Variants in MAGI1 observed in about 807,000 individuals in gnomAD.
MAGI1 encodes membrane-associated guanylate kinase, WW and PDZ domain-containing protein 1.
MAGI1 carries 58 observed loss-of-function variants against 139.9 expected under a neutral mutation model. That is an observed-to-expected ratio of 0.41 (90% CI 0.34 to 0.52). MAGI1 has a LOEUF of 0.52. Among genes scored for constraint, MAGI1 ranks in the 20% least tolerant of loss-of-function variants. The pLI is 0.12. For missense variants in MAGI1, 1,874 were observed against 1,901.6 expected, an observed-to-expected ratio of 0.99 and a Z score of 0.27; for synonymous variants, 812 against 737.9, an observed-to-expected ratio of 1.10 and a Z score of -1.63.
At chr3:65,446,370 C>G (rs1016447333) in intron 7 of MAGI1, among the ~76,000 whole-genome samples, 1 of 152,172 alleles carries the variant, frequency 6.6e-6, no homozygotes, top group Non-Finnish European at 1.5e-5. Context: ...AGCCAGTAAG[C>G]AGGGGAGCCA....
chr3:65,552,645 T>C (rs977391394), intron 2 of MAGI1, among the ~76,000 whole-genome samples: 7 of 152,184 alleles, frequency 4.6e-5, no homozygotes, highest in African/African-American at 1.4e-4. Flanking sequence ...TCCACTCATA[T>C]AGATGAAAAT....
chr3:65,502,930 C>T (rs554675206), intron 2 of MAGI1, among the ~76,000 whole-genome samples: 1 of 152,020 alleles, frequency 6.6e-6, no homozygotes, highest in African/African-American at 2.4e-5. Context: ...GGTTAGAAAA[C>T]GAACAGTGGA....
At chr3:65,993,753 T>C (rs1466353375) in intron 1 of MAGI1, among the ~76,000 whole-genome samples, 1 of 152,156 alleles carries the variant, frequency 6.6e-6, no homozygotes, top group Non-Finnish European at 1.5e-5. Flanking sequence ...AGCTAATAAA[T>C]CACTCACACA....
chr3:65,692,311 T>C (rs556171665), intron 1 of MAGI1, among the ~76,000 whole-genome samples: 37 of 152,292 alleles, frequency 2.4e-4, no homozygotes, highest in Admixed American at 5.2e-4. Context: ...TCAGCACACA[T>C]GAATTCATTT....
intron 1 of MAGI1, among the ~76,000 whole-genome samples, chr3:65,859,500 G>C (rs1001822407): frequency 6.6e-6 from 1 of 152,100 alleles, no homozygotes; most frequent in African/African-American, 2.4e-5. Flanking sequence ...AAGCTGAGGT[G>C]GGTGGATCAC....
intron 1 of MAGI1, among the ~76,000 whole-genome samples, chr3:65,904,488 G>A (rs985326289): frequency 3.9e-5 from 6 of 152,028 alleles, no homozygotes; most frequent in East Asian, 1.9e-4. Flanking sequence ...AGGGCCCTGC[G>A]GCCCGGCCTC....
chr3:65,625,075 GT>G (rs1249360436), intron 1 of MAGI1, among the ~76,000 whole-genome samples: 6 of 152,088 alleles, frequency 3.9e-5, no homozygotes, highest in African/African-American at 1.4e-4. Flanking sequence ...GTTTTACCAT[GT>G]TGGCCAGGCT....
chr3:65,540,295 T>A (rs1307858511), intron 2 of MAGI1, among the ~76,000 whole-genome samples: 1 of 152,170 alleles, frequency 6.6e-6, no homozygotes, highest in Non-Finnish European at 1.5e-5. Flanking sequence ...ACCCCTTTAT[T>A]CTCTATCCCC....
At chr3:65,472,012 T>C (rs1430613824) in intron 4 of MAGI1, among the ~76,000 whole-genome samples, 1 of 152,136 alleles carries the variant, frequency 6.6e-6, no homozygotes, top group Admixed American at 6.5e-5. Context: ...GATTTCATAC[T>C]TGAAATCAAG....
intron 14 of MAGI1, among the ~76,000 whole-genome samples, chr3:65,385,154 A>C (rs1240588294): frequency 6.6e-6 from 1 of 152,220 alleles, no homozygotes; most frequent in Non-Finnish European, 1.5e-5. Context: ...CCAGGGCTTT[A>C]AAATGAATAT....
intron 10 of MAGI1, among the ~76,000 whole-genome samples, chr3:65,436,255 C>A (rs1253380251): frequency 6.6e-6 from 1 of 151,948 alleles, no homozygotes; most frequent in Admixed American, 6.6e-5. Context: ...ACAATTAAAT[C>A]TTTTAAAATA....
At chr3:65,578,608 T>C (rs771275661) in intron 2 of MAGI1, among the ~76,000 whole-genome samples, 15 of 152,072 alleles carry the variant, frequency 9.9e-5, no homozygotes, top group Non-Finnish European at 2.2e-4. Context: ...TCTTCATGGG[T>C]CCAAGTCTCT....
chr3:65,794,483 T>C lies in MAGI1; in HGVS notation c.314-172395A>G, dbSNP rs562554725. ...CCACCCATAACGCAGCCTCAATCTC[T>C]GAGCTCACCTGCATCCACTCATTCT... On this transcript the variant is annotated intron_variant, in intron 1 of 22. Coordinates refer to ENST00000402939, the MANE Select transcript of MAGI1 (RefSeq NM_001033057.2). Among the ~76,000 whole-genome samples, 7 of 152,234 alleles carry C rather than the reference T, an allele frequency of 4.6e-5. No individual in the cohort carries two copies. The East Asian group carries it at 1.2e-3, about 25-fold the overall frequency.
intron 1 of MAGI1, among the ~76,000 whole-genome samples, chr3:65,997,834 C>T (rs986495287): frequency 1.3e-5 from 2 of 152,106 alleles, no homozygotes; most frequent in South Asian, 2.1e-4. Context: ...AAGGACTGTT[C>T]GCCAACTCTA....
intron 22 of MAGI1, chr3:65,359,297 T>C (rs1379988262): frequency 8.2e-6 from 12 of 1,463,710 alleles, no homozygotes; most frequent in Non-Finnish European, 1.1e-5. Context: ...GAGAGTTTAT[T>C]TGTCCAGTCA....
chr3:65,365,146 C>G (rs765329078), intron 18 of MAGI1, 200 bp from the exon 19 acceptor site: 4 of 744,450 alleles, frequency 5.4e-6, no homozygotes, highest in South Asian at 4.1e-5. Flanking sequence ...CATGTATGTC[C>G]CCATGACCCT....
intron 1 of MAGI1, among the ~76,000 whole-genome samples, chr3:66,026,163 T>C (rs186233867): frequency 4.3e-4 from 65 of 152,210 alleles, no homozygotes; most frequent in African/African-American, 1.4e-3. Flanking sequence ...TTCTAACGCT[T>C]GGCCAAGAAT....
intron 6 of MAGI1, among the ~76,000 whole-genome samples, chr3:65,450,806 G>A (rs1158521330): frequency 2.0e-5 from 3 of 152,118 alleles, no homozygotes; most frequent in Non-Finnish European, 4.4e-5. Flanking sequence ...ATGCTATACT[G>A]TTACACCTCA....
chr3:65,919,976 T>G (rs1487921101), intron 1 of MAGI1, among the ~76,000 whole-genome samples: 4 of 152,204 alleles, frequency 2.6e-5, no homozygotes, highest in Non-Finnish European at 5.9e-5. Flanking sequence ...TAAATCTAAG[T>G]GGTCACTTGG....
Sources: allele counts gnomAD v4.1 joint callset (sites outside exome capture counted in the v4.1 genomes callset), GRCh38; gene constraint gnomAD v4.1.1; transcripts MANE v1.5; gene names NCBI Gene and HGNC (gene_info 2026-07-23, HGNC 2026-07-21).